Variants in TBCD observed in about 807,000 individuals in gnomAD.
TBCD encodes the protein tubulin-specific chaperone D.
TBCD carries 105 observed loss-of-function variants against 169.3 expected under a neutral mutation model. That is an observed-to-expected ratio of 0.62 (90% CI 0.53 to 0.73). The LOEUF (loss-of-function observed/expected upper bound fraction) is 0.73, where lower values mean the gene tolerates loss of function less well. Ranked by LOEUF, TBCD falls within the 30% of genes least tolerant of loss-of-function variation. The probability of loss-of-function intolerance (pLI) is 0.00; values close to 1 mark genes in which losing one functional copy is unlikely to be tolerated. For synonymous variants in TBCD, 700 were observed against 643.9 expected, an observed-to-expected ratio of 1.09 and a Z score of -1.32; for missense variants, 1,444 against 1,600.1, an observed-to-expected ratio of 0.90 and a Z score of 1.66.
chr17:82,871,774 G>A (rs1846094525), intron 14 of TBCD, among the ~76,000 whole-genome samples: 1 of 152,248 alleles, frequency 6.6e-6, no homozygotes, highest in Non-Finnish European at 1.5e-5. Context: ...ATGTGGCGGG[G>A]CCAGCGTTGG....
chr17:82,796,300 A>G (rs1471342156), intron 7 of TBCD, among the ~76,000 whole-genome samples: 2 of 152,232 alleles, frequency 1.3e-5, no homozygotes, highest in Admixed American at 6.5e-5. Context: ...TAAAACACAT[A>G]TTAAATTAGA....
chr17:82,905,278 C>T (rs2060161847), intron 19 of TBCD, among the ~76,000 whole-genome samples: 1 of 152,250 alleles, frequency 6.6e-6, no homozygotes, highest in African/African-American at 2.4e-5. Flanking sequence ...CGTCCTCCTC[C>T]ATGCTCCCTC....
intron 13 of TBCD, among the ~76,000 whole-genome samples, chr17:82,827,536 C>T (rs1412070039): frequency 6.6e-6 from 1 of 152,186 alleles, no homozygotes; most frequent in Non-Finnish European, 1.5e-5. Context: ...TTCGCACATG[C>T]CGGTACTTGA....
At chr17:82,807,243 G>T (rs1011528569) in intron 10 of TBCD, among the ~76,000 whole-genome samples, 1 of 152,242 alleles carries the variant, frequency 6.6e-6, no homozygotes, top group African/African-American at 2.4e-5. Context: ...TGCAGCCGCT[G>T]GCTGGGGGTT....
Position 82,932,715 on chromosome 17 carries a change from C to T in TBCD, c.3171C>T (p.Asp1057=), listed in dbSNP as rs773965883. The part of the protein sequence containing the change: ...LDHVLTHGCF[D]IFTTEEDHPF... ...ACGTGCTCACCCACGGCTGCTTCGA[C>T]ATCTTCACCACGGAGGAGGAGTGAG... The change falls in exon 34 of 39, where the codon GAC becomes GAT. Residue 1057 remains aspartate (D), a synonymous_variant. Transcript: ENST00000355528. 1.9e-6 allele frequency: 3 copies of T among 1,613,832 alleles called. No individual in the cohort carries two copies.
At chr17:82,933,408 A>G (rs1351267396) in intron 34 of TBCD, among the ~76,000 whole-genome samples, 1 of 150,796 alleles carries the variant, frequency 6.6e-6, no homozygotes, top group Non-Finnish European at 1.5e-5. Flanking sequence ...GCTGTAGTCT[A>G]ATGTACGGCT....
chr17:82,778,460 T>C (rs1391790819), intron 6 of TBCD, among the ~76,000 whole-genome samples: 1 of 152,132 alleles, frequency 6.6e-6, no homozygotes, highest in Non-Finnish European at 1.5e-5. Context: ...GTTTCTTTTT[T>C]CTTTCCTTTT....
rs1347306448 is a variant in TBCD, at chr17:82,922,033, C to A, written c.2178+456C>A. Among the ~76,000 whole-genome samples, 3 of 152,166 alleles carry A rather than the reference C, an allele frequency of 2.0e-5. No individual in the cohort carries two copies. The highest frequency in any genetic ancestry group is 2.9e-5 in the Non-Finnish European group (2 of 68,024). ...GTGTGTGTCCCCGGCCACCTGCCCTCCCCTCCCGTCCTGGGGGTTACAGGT... is the reference window on the plus strand; with the variant it reads ...GTGTGTGTCCCCGGCCACCTGCCCTACCCTCCCGTCCTGGGGGTTACAGGT... On this transcript the variant is annotated intron_variant, in intron 25 of 38. Coordinates refer to ENST00000355528, the MANE Select transcript of TBCD (RefSeq NM_005993.5). The surrounding 1 kb of genome is among the most constrained non-coding windows in gnomAD (Gnocchi z 4.1).
chr17:82,851,708 G>T (rs1355378312), intron 13 of TBCD, among the ~76,000 whole-genome samples: 1 of 152,220 alleles, frequency 6.6e-6, no homozygotes. Flanking sequence ...GCAGCTCTTC[G>T]AGAGGGCTGA....
At chr17:82,791,610 C>T (rs568294716) in intron 7 of TBCD, among the ~76,000 whole-genome samples, 2 of 152,268 alleles carry the variant, frequency 1.3e-5, no homozygotes, top group African/African-American at 2.4e-5. Context: ...AGAATGAGCT[C>T]GGAATAGCAG....
At position 82,806,050 on chromosome 17, in the gene TBCD, C is replaced by G; in HGVS notation, c.1087+39C>G. ...AAGCGGCGGCCTCTGCTCTTGGGCA[C>G]CGTCGGGCCAATTCCCCTCTACTCC... On this transcript the variant is annotated intron_variant, in intron 10 of 38. Coordinates refer to ENST00000355528, the MANE Select transcript of TBCD (RefSeq NM_005993.5). This position sits in a 1 kb window ranked among gnomAD's most constrained non-coding sequence, Gnocchi z 5.1. The G allele has an allele frequency of 1.3e-6, 2 of 1,599,570 alleles. No homozygotes were observed. The highest frequency in any genetic ancestry group is 4.5e-5 in the East Asian group (2 of 44,470).
chr17:82,809,633 C>A, intron 11 of TBCD, 75 bp from the exon 12 acceptor site: 1 of 1,473,508 alleles, frequency 6.8e-7, no homozygotes, highest in Non-Finnish European at 9.3e-7. Flanking sequence ...GTGTTCAGGC[C>A]ATTCACACGT....
intron 14 of TBCD, among the ~76,000 whole-genome samples, chr17:82,875,031 C>T (rs2057868122): frequency 6.6e-6 from 1 of 152,224 alleles, no homozygotes; most frequent in Non-Finnish European, 1.5e-5. Context: ...AGGTGCCTGG[C>T]TCTTCTGAGA....
Position 82,823,651 on chromosome 17 carries a change from C to A in TBCD, c.1318+8717C>A, listed in dbSNP as rs111578173. Reference sequence around the variant, plus strand: ...AGGGCGTTGTCGGCATCTTCTCTTACATGTGAATTCAAGGATCCTTTATTT... The same window carrying A: ...AGGGCGTTGTCGGCATCTTCTCTTAAATGTGAATTCAAGGATCCTTTATTT... On this transcript the variant is annotated intron_variant, in intron 13 of 38. Coordinates refer to ENST00000355528, the MANE Select transcript of TBCD (RefSeq NM_005993.5). Among the ~76,000 whole-genome samples the A allele has an allele frequency of 8.2e-4, 125 of 152,114 alleles. 1 individual carries two copies. The Middle Eastern group carries it at 0.01, about 12-fold the overall frequency.
At chr17:82,834,825 A>G (rs1175194768) in intron 13 of TBCD, among the ~76,000 whole-genome samples, 2 of 152,164 alleles carry the variant, frequency 1.3e-5, no homozygotes, top group Admixed American at 6.5e-5. Flanking sequence ...CATGGCACAC[A>G]TTTACCTGTG....
At chr17:82,784,082 C>T (rs1473072786) in intron 7 of TBCD, among the ~76,000 whole-genome samples, 1 of 151,972 alleles carries the variant, frequency 6.6e-6, no homozygotes, top group Non-Finnish European at 1.5e-5. Flanking sequence ...CGAGATCATG[C>T]CACTGCACCC....
chr17:82,868,178 C>T (rs1269587951), intron 13 of TBCD, among the ~76,000 whole-genome samples: 2 of 152,160 alleles, frequency 1.3e-5, no homozygotes, highest in South Asian at 2.1e-4. Flanking sequence ...GAGGAGGAGC[C>T]GGCCCTGAGC....
At chr17:82,931,671 G>A (rs1400970924) in intron 33 of TBCD, among the ~76,000 whole-genome samples, 1 of 152,240 alleles carries the variant, frequency 6.6e-6, no homozygotes, top group Non-Finnish European at 1.5e-5. Flanking sequence ...GTGGGTAGGT[G>A]TGCACAGCTG....
intron 37 of TBCD, 47 bp from the exon 38 acceptor site, chr17:82,941,352 T>C: frequency 6.7e-7 from 1 of 1,501,364 alleles, no homozygotes; most frequent in South Asian, 1.2e-5. Context: ...CACCTGAGGT[T>C]CTCCGGTGGG....
Sources: gnomAD v4.1 joint callset for allele counts (sites outside exome capture counted in the v4.1 genomes callset) on GRCh38, gnomAD v4.1.1 for gene constraint, Gnocchi (gnomAD v3.1) non-coding constraint, MANE v1.5 for transcripts, NCBI Gene and HGNC (gene_info 2026-07-23, HGNC 2026-07-21) for gene names.